The following SCN8A variants were observed in gnomAD, a reference collection of about 807,000 sequenced individuals.
The protein encoded by SCN8A is sodium voltage-gated channel alpha subunit 8, also known as sodium channel protein type 8 subunit alpha.
Under a neutral mutation model 184.1 loss-of-function variants are expected in SCN8A, and 30 were observed. That is an observed-to-expected ratio of 0.16 (90% CI 0.12 to 0.22). The LOEUF (loss-of-function observed/expected upper bound fraction) is 0.22, where lower values mean the gene tolerates loss of function less well. Among genes scored for constraint, SCN8A ranks in the 10% least tolerant of loss-of-function variants. SCN8A has a pLI of 1.00. For synonymous variants in SCN8A, 852 were observed against 907.0 expected (o/e 0.94, Z 1.09); for missense variants, 1,057 against 2,498.9 (o/e 0.42, Z 12.30).
intron 1 of SCN8A, among the ~76,000 whole-genome samples, chr12:51,594,129 C>T (rs1939293230): frequency 6.6e-6 from 1 of 152,200 alleles, no homozygotes; most frequent in Non-Finnish European, 1.5e-5. Flanking sequence ...ATAAAATTCA[C>T]ATGGTACCAC....
chr12:51,764,798 A>G (rs956286894), intron 15 of SCN8A, among the ~76,000 whole-genome samples: 4 of 146,256 alleles, frequency 2.7e-5, no homozygotes, highest in African/African-American at 5.1e-5. Flanking sequence ...TTTCTTAGAC[A>G]TAGTCTCATT....
In SCN8A at chr12:51,808,584, C is replaced by T. The variant is rs1180696723; in HGVS notation, c.*1155C>T. 1 of 152,280 alleles carries T rather than the reference C, an allele frequency of 6.6e-6. No homozygotes were observed. The allele number at this position is 152,280 out of a possible 1,614,324, so 9.4% of individuals were successfully genotyped here. On this transcript the variant is annotated 3_prime_UTR_variant, in exon 27 of 27. Coordinates refer to ENST00000627620, the MANE Select transcript of SCN8A (RefSeq NM_001330260.2). Reference sequence around the variant, plus strand: ...TAGCCTTCATACTGGAGAATTGACACTTATTTGGGGTAGAGATAAAAGTGC... The same window carrying T: ...TAGCCTTCATACTGGAGAATTGACATTTATTTGGGGTAGAGATAAAAGTGC...
chr12:51,645,671 T>G (rs990022069), intron 1 of SCN8A, among the ~76,000 whole-genome samples: 1 of 151,952 alleles, frequency 6.6e-6, no homozygotes, highest in African/African-American at 2.4e-5. Context: ...CTGTGCTCTC[T>G]GAAACATGTG....
At chr12:51,770,786 T>C (rs1289599655) in intron 19 of SCN8A, 103 bp downstream of exon 19, 16 of 1,207,820 alleles carry the variant, frequency 1.3e-5, no homozygotes, top group Non-Finnish European at 1.8e-5. Context: ...TGAAAACAGA[T>C]TGGCTGTGGT....
chr12:51,764,009 A>G (rs1489932897), intron 15 of SCN8A, among the ~76,000 whole-genome samples: 1 of 152,212 alleles, frequency 6.6e-6, no homozygotes, highest in Non-Finnish European at 1.5e-5. Context: ...GATCCAGTCC[A>G]CAGTGGACTT....
In SCN8A at chr12:51,769,026, C is replaced by G. The variant is rs1267885885; in HGVS notation, c.3063C>G (p.Ala1021=). Residue 1021 remains alanine, a synonymous_variant, in exon 17 of 27, where the codon GCC becomes GCG. Coordinates refer to ENST00000627620, the MANE Select transcript of SCN8A (RefSeq NM_001330260.2). The part of the protein sequence containing the change: ...TKLKVHAFMQ[A]HFKQREADEV... Reference sequence around the variant, plus strand: ...TAAAGGTGCACGCCTTCATGCAGGCCCACTTTAAGCAGCGTGAGGCTGATG... The same window carrying G: ...TAAAGGTGCACGCCTTCATGCAGGCGCACTTTAAGCAGCGTGAGGCTGATG... The G allele has an allele frequency of 6.2e-7, 1 of 1,613,826 alleles. No individual in the cohort carries two copies. The highest frequency in any genetic ancestry group is 1.3e-5 in the African/African-American group (1 of 74,904).
intron 1 of SCN8A, among the ~76,000 whole-genome samples, chr12:51,604,679 C>A (rs569922735): frequency 6.6e-6 from 1 of 152,138 alleles, no homozygotes; most frequent in Non-Finnish European, 1.5e-5. Flanking sequence ...AGGCATGCGC[C>A]ACCACACCTG....
At position 51,769,150 on chromosome 12, in the gene SCN8A, G is replaced by T; in HGVS notation, c.3187G>T (p.Gly1063Cys). Reference sequence around the variant, plus strand: ...CCGGAATGGTGACTTCCAGAAGAATGGCAATGGCACAACCAGCGGCATTGG... The same window carrying T: ...CCGGAATGGTGACTTCCAGAAGAATTGCAATGGCACAACCAGCGGCATTGG... ...IHRNGDFQKN[G>C]NGTTSGIGSS... Residue 1063 changes from glycine (G) to cysteine (C), a missense_variant, in exon 17 of 27, where the codon GGC becomes TGC. By Grantham distance (159) the Gly-to-Cys change is radical. Transcript: ENST00000627620. 1 of 1,613,444 alleles carries T rather than the reference G, an allele frequency of 6.2e-7. No homozygotes were observed. The highest frequency in any genetic ancestry group is 1.1e-5 in the South Asian group (1 of 90,958).
At chr12:51,676,537 G>A (rs530999573) in intron 2 of SCN8A, among the ~76,000 whole-genome samples, 2 of 152,302 alleles carry the variant, frequency 1.3e-5, no homozygotes, top group Non-Finnish European at 2.9e-5. Context: ...CCAAATTGCT[G>A]TTGATTAATG....
At chr12:51,605,869 A>G (rs1421918230) in intron 1 of SCN8A, among the ~76,000 whole-genome samples, 1 of 151,694 alleles carries the variant, frequency 6.6e-6, no homozygotes, top group Non-Finnish European at 1.5e-5. Flanking sequence ...TTTTTCATAT[A>G]TTTGTTGGCC....
At chr12:51,740,143 C>T (rs1010808778) in intron 12 of SCN8A, among the ~76,000 whole-genome samples, 2 of 152,204 alleles carry the variant, frequency 1.3e-5, no homozygotes, top group Non-Finnish European at 2.9e-5. Context: ...GCCCTCATTC[C>T]CGTAAACCCA....
chr12:51,607,984 A>G (rs779822654), intron 1 of SCN8A, among the ~76,000 whole-genome samples: 9 of 150,698 alleles, frequency 6.0e-5, no homozygotes, highest in Non-Finnish European at 1.2e-4. Context: ...GTCTTGAGGA[A>G]TAGTGTCAAA....
intron 12 of SCN8A, among the ~76,000 whole-genome samples, chr12:51,740,866 C>A (rs375443527): frequency 6.6e-6 from 1 of 152,158 alleles, no homozygotes. Context: ...CCCGCTGCAG[C>A]CTCAACCTTA....
chr12:51,616,199 T>C (rs1014391571), intron 1 of SCN8A, among the ~76,000 whole-genome samples: 1 of 152,232 alleles, frequency 6.6e-6, no homozygotes, highest in Non-Finnish European at 1.5e-5. Context: ...TTTAGAGCAG[T>C]CTGCTAGTGA....
At chr12:51,780,565 C>CTTTTCTT (rs1937873541) in intron 20 of SCN8A, 84 bp from the exon 21 acceptor site, 2 of 293,020 alleles carry the variant, frequency 6.8e-6, no homozygotes, top group African/African-American at 2.7e-4. Flanking sequence ...TGTTTTCTTT[C>CTTTTCTT]TTTTTTTTTT....
At chr12:51,768,820 T>C (rs745679094) in intron 16 of SCN8A, 45 bp from the exon 17 acceptor site, 9 of 1,489,682 alleles carry the variant, frequency 6.0e-6, no homozygotes, top group Non-Finnish European at 8.1e-6. Context: ...GTTCGATGGA[T>C]AACTTTTCTG....
At chr12:51,707,467 A>G (rs1941803327) in intron 11 of SCN8A, among the ~76,000 whole-genome samples, 1 of 152,180 alleles carries the variant, frequency 6.6e-6, no homozygotes, top group South Asian at 2.1e-4. Flanking sequence ...AGCATCCAGC[A>G]TGGGGGAAAG....
intron 1 of SCN8A, among the ~76,000 whole-genome samples, chr12:51,632,786 C>T (rs1367432122): frequency 2.0e-5 from 3 of 152,132 alleles, no homozygotes; most frequent in Non-Finnish European, 4.4e-5. Flanking sequence ...ATGTCAACCC[C>T]TCTTCCCAGC....
chr12:51,739,070 T>C (rs1942376258), intron 12 of SCN8A, among the ~76,000 whole-genome samples: 1 of 152,210 alleles, frequency 6.6e-6, no homozygotes, highest in African/African-American at 2.4e-5. Flanking sequence ...TTCCTTTTTT[T>C]ATATGTTGGA....
Sources: allele counts gnomAD v4.1 joint callset (sites outside exome capture counted in the v4.1 genomes callset), GRCh38; gene constraint gnomAD v4.1.1; transcripts MANE v1.5; gene names NCBI Gene and HGNC (gene_info 2026-07-23, HGNC 2026-07-21).